KANK1: variants seen among roughly 807,000 people sequenced by gnomAD.
The protein encoded by KANK1 is KN motif and ankyrin repeat domains 1.
In KANK1, 109 loss-of-function variants were observed where a neutral mutation model predicts 106.2. The observed-to-expected ratio is 1.03, with a 90% CI of 0.88 to 1.20. The LOEUF (loss-of-function observed/expected upper bound fraction) is 1.20, where lower values mean the gene tolerates loss of function less well. Among genes scored for constraint, KANK1 ranks in the 50% most tolerant of loss-of-function variants. The pLI is 0.00. For synonymous variants in KANK1, 873 were observed against 652.2 expected, an observed-to-expected ratio of 1.34 and a Z score of -5.16; for missense variants, 2,399 against 1,710.7, an observed-to-expected ratio of 1.40 and a Z score of -7.10.
chr9:493,997 C>T (rs2058419713), intron 3 of KANK1, among the ~76,000 whole-genome samples: 1 of 152,060 alleles, frequency 6.6e-6, no homozygotes, highest in Non-Finnish European at 1.5e-5. Flanking sequence ...ATTCTCCTGC[C>T]TCAGCCTCCT....
chr9:668,198 T>G (rs1845097783), intron 1 of KANK1, among the ~76,000 whole-genome samples: 1 of 152,340 alleles, frequency 6.6e-6, no homozygotes, highest in African/African-American at 2.4e-5. Flanking sequence ...TCTGAATAGT[T>G]GAGTGAAGTG....
At position 616,653 on chromosome 9, in the gene KANK1, T is replaced by C. The variant is rs971640140; in HGVS notation, c.-83-60237T>C. Among the ~76,000 whole-genome samples the C allele has an allele frequency of 2.5e-4, 38 of 152,218 alleles. 1 individual carries two copies. The highest frequency in any genetic ancestry group is 8.9e-4 in the African/African-American group (37 of 41,450). On this transcript the variant is annotated intron_variant, in intron 1 of 11. Coordinates refer to ENST00000382297, the MANE Select transcript of KANK1 (RefSeq NM_015158.5). ...TTATCAATCAAGATAGTAATTATTC[T>C]GCAAGACCCCAAATCTCAGTGGCTT...
intron 1 of KANK1, among the ~76,000 whole-genome samples, chr9:621,093 C>T (rs77169353): frequency 0.018 from 2,685 of 152,262 alleles, 78 homozygotes; most frequent in African/African-American, 0.061. Context: ...CTATTCAATT[C>T]AGTCTCTTCT....
At chr9:660,932 T>C (rs1340135030) in intron 1 of KANK1, among the ~76,000 whole-genome samples, 2 of 152,176 alleles carry the variant, frequency 1.3e-5, no homozygotes, top group Non-Finnish European at 2.9e-5. Flanking sequence ...AACACCAGAA[T>C]GTGAGACCAA....
intron 1 of KANK1, among the ~76,000 whole-genome samples, chr9:521,300 G>A (rs985760419): frequency 6.6e-6 from 1 of 151,530 alleles, no homozygotes; most frequent in African/African-American, 2.4e-5. Context: ...TATGAGGTGT[G>A]GGGGCCATCT....
rs567662060 is a variant in KANK1 at position 646,842 on chromosome 9, T to C, written c.-83-30048T>C. 2.0e-5 allele frequency among the ~76,000 whole-genome samples: 3 copies of C among 147,694 alleles called. No individual in the cohort carries two copies. The South Asian group carries it at 6.3e-4, about 31-fold the overall frequency. The stretch of plus-strand genomic sequence containing the variant: ...CAGCTGGGATGGGACTACAGGTGCA[T>C]GCCACCACGCCTGGCTAATTTTTTT... On this transcript the variant is annotated intron_variant, in intron 1 of 11. Transcript: ENST00000382297.
chr9:567,346 C>A (rs985785224), intron 1 of KANK1, among the ~76,000 whole-genome samples: 2 of 152,172 alleles, frequency 1.3e-5, no homozygotes, highest in Non-Finnish European at 2.9e-5. Flanking sequence ...AATTCAGGCC[C>A]TTCTCATAAC....
At chr9:738,001 G>C (rs958193141) in intron 7 of KANK1, among the ~76,000 whole-genome samples, 42 of 152,204 alleles carry the variant, frequency 2.8e-4, no homozygotes, top group African/African-American at 9.6e-4. Context: ...CTTTTAGGTA[G>C]CAGAGCCTGC....
intron 2 of KANK1, chr9:706,748 T>A (rs1396826571): frequency 1.0e-6 from 1 of 983,768 alleles, no homozygotes. Flanking sequence ...AGTCAGGCAG[T>A]GCTCTGGAAC....
intron 2 of KANK1, among the ~76,000 whole-genome samples, chr9:689,632 G>A (rs151093425): frequency 6.6e-6 from 1 of 152,168 alleles, no homozygotes; most frequent in African/African-American, 2.4e-5. Context: ...TGAAAGAGAT[G>A]GGTGGAGAAG....
intron 1 of KANK1, among the ~76,000 whole-genome samples, chr9:675,191 G>A (rs566767049): frequency 1.1e-3 from 161 of 152,104 alleles, no homozygotes; most frequent in African/African-American, 3.6e-3. Context: ...ATACAGTTTT[G>A]TTTTTCTTTT....
rs537966325 is a variant in KANK1, at chr9:661,640, A to G, written c.-83-15250A>G. On this transcript the variant is annotated intron_variant, in intron 1 of 11. Coordinates refer to ENST00000382297, the MANE Select transcript of KANK1 (RefSeq NM_015158.5). ...TTTATAATCCTTTGGGTATATATCC[A>G]GTAATGGGATCACTGGGTCAAGTGG... is the stretch of plus-strand genomic sequence containing the variant. Among the ~76,000 whole-genome samples, 225 of 152,284 alleles carry G rather than the reference A, an allele frequency of 1.5e-3. 1 individual carries two copies. Among genetic ancestry groups the G allele is most frequent in the Non-Finnish European group, 2.7e-3 (187 of 68,026 alleles).
intron 1 of KANK1, among the ~76,000 whole-genome samples, chr9:618,408 A>C (rs1472935927): frequency 2.6e-5 from 4 of 152,082 alleles, no homozygotes; most frequent in African/African-American, 9.7e-5. Context: ...GGGTTTCACC[A>C]TATCGGCCAG....
intron 1 of KANK1, among the ~76,000 whole-genome samples, chr9:551,637 C>G (rs566910580): frequency 6.6e-6 from 1 of 152,232 alleles, no homozygotes; most frequent in African/African-American, 2.4e-5. Flanking sequence ...CCACTTGGTG[C>G]TAGAAATACA....
At chr9:692,130 T>C (rs1348081572) in intron 2 of KANK1, among the ~76,000 whole-genome samples, 8 of 152,028 alleles carry the variant, frequency 5.3e-5, no homozygotes, top group Non-Finnish European at 1.0e-4. Flanking sequence ...AGAGGCACAG[T>C]TTTATAAGAA....
intron 1 of KANK1, among the ~76,000 whole-genome samples, chr9:578,491 G>C (rs1189512811): frequency 6.6e-6 from 1 of 151,882 alleles, no homozygotes; most frequent in Admixed American, 6.6e-5. Context: ...CGGCAGGGAG[G>C]GGGTGCAGTC....
intron 1 of KANK1, among the ~76,000 whole-genome samples, chr9:652,134 AAT>A (rs1563928508): frequency 2.6e-5 from 4 of 152,178 alleles, no homozygotes; most frequent in Non-Finnish European, 1.5e-5. Flanking sequence ...CATTTCTTGT[AAT>A]TTACCCATTT....
chr9:737,206 G>C (rs1368388527), intron 7 of KANK1, among the ~76,000 whole-genome samples: 3 of 152,062 alleles, frequency 2.0e-5, no homozygotes, highest in African/African-American at 7.2e-5. Context: ...CAGAGAAACA[G>C]GAATGTGAAT....
At chr9:587,055 A>G (rs1444513535) in intron 1 of KANK1, among the ~76,000 whole-genome samples, 1 of 152,192 alleles carries the variant, frequency 6.6e-6, no homozygotes, top group Non-Finnish European at 1.5e-5. Context: ...GAACTAGTGA[A>G]TTACTTTCAT....
Sources: allele counts gnomAD v4.1 joint callset (sites outside exome capture counted in the v4.1 genomes callset), GRCh38; gene constraint gnomAD v4.1.1; transcripts MANE v1.5; gene names NCBI Gene and HGNC (gene_info 2026-07-23, HGNC 2026-07-21).